The following PIEZO2 variants were observed in gnomAD, a reference collection of about 807,000 sequenced individuals.
The protein encoded by PIEZO2 is piezo-type mechanosensitive ion channel component 2.
PIEZO2 carries 172 observed loss-of-function variants against 337.3 expected under a neutral mutation model. The ratio of observed to expected loss-of-function variants is 0.51; its 90% CI spans 0.45 to 0.58. The LOEUF is 0.58. PIEZO2 is among the 20% of genes least tolerant of loss of function. The probability of loss-of-function intolerance (pLI) is 0.00; values close to 1 mark genes in which losing one functional copy is unlikely to be tolerated. For synonymous variants in PIEZO2, 1,251 were observed against 1,228.5 expected, an observed-to-expected ratio of 1.02 and a Z score of -0.38; for missense variants, 3,028 against 3,391.3, an observed-to-expected ratio of 0.89 and a Z score of 2.66.
intron 42 of PIEZO2, 60 bp downstream of exon 42, chr18:10,704,334 G>A: frequency 6.6e-7 from 1 of 1,514,560 alleles, no homozygotes; most frequent in Non-Finnish European, 8.8e-7. Context: ...GGGACACAAG[G>A]TATGCTTCCC....
intron 2 of PIEZO2, among the ~76,000 whole-genome samples, chr18:11,015,275 C>A (rs1426149003): frequency 6.6e-6 from 1 of 151,334 alleles, no homozygotes; most frequent in Non-Finnish European, 1.5e-5. Context: ...TCCAGGGCCC[C>A]CTCATTCCTC....
chr18:10,766,253 AAG>A lies in PIEZO2; in HGVS notation c.2947-3157_2947-3156del. Among the ~76,000 whole-genome samples, 1 of 6,460 alleles carries A rather than the reference AAG, an allele frequency of 1.5e-4. No individual in the cohort carries two copies. Among genetic ancestry groups the A allele is most frequent in the South Asian group, 3.0e-3 (1 of 328 alleles). The allele number at this position is 6,460 out of a possible 152,430, so 4.2% of individuals were successfully genotyped here. A position where few individuals can be genotyped will look rare whatever the true frequency, so the allele number is the denominator to read the frequency against. ...AACAGGAGGAGGAGGAGGGATAAGG[AAG>A]AAGAAGAGGAAGGAGAAAAGGGGAG... On this transcript the variant is annotated intron_variant, in intron 21 of 55. Coordinates refer to ENST00000674853, the MANE Select transcript of PIEZO2 (RefSeq NM_001378183.1). This position sits in a 1 kb window ranked among gnomAD's most constrained non-coding sequence, Gnocchi z 6.1.
intron 36 of PIEZO2, chr18:10,725,466 G>A: frequency 6.4e-7 from 1 of 1,557,596 alleles, no homozygotes; most frequent in Non-Finnish European, 8.8e-7. Flanking sequence ...AATAGGTCAG[G>A]GTGTGGGTAT....
At position 10,773,397 on chromosome 18, in the gene PIEZO2, T is replaced by C; in HGVS notation, c.2785+15A>G. On this transcript the variant is annotated intron_variant, in intron 20 of 55. Transcript: ENST00000674853. The surrounding 1 kb of genome is among the most constrained non-coding windows in gnomAD (Gnocchi z 5.3). The stretch of plus-strand genomic sequence containing the variant: ...CCAGCGTTCTCTGACCAGCTGCTGG[T>C]AGTGGGCTGATTACCTGATGTTTCT... 2 of 1,536,780 alleles carry C rather than the reference T, an allele frequency of 1.3e-6. No individual in the cohort carries two copies. Among genetic ancestry groups the C allele is most frequent in the South Asian group, 1.2e-5 (1 of 84,056 alleles).
In PIEZO2 at chr18:10,699,078, A is replaced by T. The variant is rs1162919227; in HGVS notation, c.6541T>A (p.Ser2181Thr). The stretch of plus-strand genomic sequence containing the variant: ...AGGTTGATGGACTTGAGAGAATCGG[A>T]GGAGTCCCTCCTGCCATGACCGAGG... ...LSLGHGRRDS[S>T]DSLKSINLAA... The change falls in exon 44 of 56, where the codon TCC becomes ACC. Residue 2181 changes from serine to threonine, a missense_variant. This residue lies in a region of PIEZO2 where 1,925 missense variants were observed against 2,051.9 expected (regional missense o/e 0.94). Transcript: ENST00000674853. The T allele has an allele frequency of 8.5e-6, 13 of 1,537,264 alleles. No homozygotes were observed. The highest frequency in any genetic ancestry group is 1.0e-5 in the Non-Finnish European group (12 of 1,146,918).
intron 4 of PIEZO2, among the ~76,000 whole-genome samples, chr18:10,873,894 G>A (rs190368888): frequency 2.0e-5 from 3 of 152,152 alleles, no homozygotes; most frequent in Non-Finnish European, 2.9e-5. Context: ...AAACATTTCA[G>A]AACATTAGTC....
chr18:10,724,598 G>T lies in PIEZO2; in HGVS notation c.5030-6339C>A. On this transcript the variant is annotated intron_variant, in intron 36 of 55. Transcript: ENST00000674853. The surrounding 1 kb of genome is among the most constrained non-coding windows in gnomAD (Gnocchi z 5.8). ...GTGGGGAGTTGGAGTGACCCAGCTGGATGTGACCCCCAAGACAGAATGGTG... is the reference window on the plus strand; with the variant it reads ...GTGGGGAGTTGGAGTGACCCAGCTGTATGTGACCCCCAAGACAGAATGGTG... 3.2e-6 allele frequency: 2 copies of T among 625,226 alleles called. No homozygotes were observed. The highest frequency in any genetic ancestry group is 3.0e-5 in the Admixed American group (1 of 33,804). 38.7% of individuals were successfully genotyped at this position (625,226 alleles called of 1,614,324 possible). A position where few individuals can be genotyped will look rare whatever the true frequency, so the allele number is the denominator to read the frequency against.
In PIEZO2 at chr18:11,132,314, G is replaced by C. The variant is rs999170621; in HGVS notation, c.64+16211C>G. Among the ~76,000 whole-genome samples, 7 of 152,174 alleles carry C rather than the reference G, an allele frequency of 4.6e-5. No homozygotes were observed. Among genetic ancestry groups the C allele is most frequent in the Admixed American group, 4.6e-4 (7 of 15,278 alleles). On this transcript the variant is annotated intron_variant, in intron 1 of 55. Transcript: ENST00000674853. This position sits in a 1 kb window ranked among gnomAD's most constrained non-coding sequence, Gnocchi z 4.7. ...TTATGGTGAAAGAAGTGTGGCAGCA[G>C]GCTCATGCTCATGGAATCCAATGTG...
intron 7 of PIEZO2, among the ~76,000 whole-genome samples, chr18:10,814,445 A>C (rs1030438995): frequency 6.6e-6 from 1 of 152,122 alleles, no homozygotes; most frequent in African/African-American, 2.4e-5. Flanking sequence ...CTCATTTTTA[A>C]CCCCACATCC....
At chr18:11,124,967 C>T (rs2040141040) in intron 1 of PIEZO2, among the ~76,000 whole-genome samples, 1 of 151,988 alleles carries the variant, frequency 6.6e-6, no homozygotes, top group Non-Finnish European at 1.5e-5. Context: ...GTATACTAGA[C>T]TCAAATTAAG....
In PIEZO2 at chr18:10,931,697, G is replaced by GGT. The variant is rs369138997; in HGVS notation, c.287-20471_287-20470dup. 5.5e-3 allele frequency among the ~76,000 whole-genome samples: 794 copies of GGT among 143,520 alleles called. 3 individuals are homozygous for GGT. The highest frequency in any genetic ancestry group is 0.022 in the South Asian group (95 of 4,398). 94.2% of individuals were successfully genotyped at this position (143,520 alleles called of 152,430 possible). A position where few individuals can be genotyped will look rare whatever the true frequency, so the allele number is the denominator to read the frequency against. ...TCATTCTCTCACTCTTTCTCTGTGT[G>GGT]GTGTGTGTGTGTGTGTGAGAGAGAG... On this transcript the variant is annotated intron_variant, in intron 3 of 55. Coordinates refer to ENST00000674853, the MANE Select transcript of PIEZO2 (RefSeq NM_001378183.1).
rs937679930 is a variant in PIEZO2, at chr18:10,872,489, A to G, written c.330-1074T>C. Among the ~76,000 whole-genome samples, 2 of 152,214 alleles carry G rather than the reference A, an allele frequency of 1.3e-5. No homozygotes were observed. Among genetic ancestry groups the G allele is most frequent in the African/African-American group, 2.4e-5 (1 of 41,452 alleles). On this transcript the variant is annotated intron_variant, in intron 4 of 55. Transcript: ENST00000674853. This position sits in a 1 kb window ranked among gnomAD's most constrained non-coding sequence, Gnocchi z 4.3. ...ATAGTTGGCCAGCACACATCACCTC[A>G]GCTGAAATGTGTTCTGGCTAAGCTC...
At chr18:10,985,968 C>G (rs1436599926) in intron 2 of PIEZO2, among the ~76,000 whole-genome samples, 1 of 151,876 alleles carries the variant, frequency 6.6e-6, no homozygotes, top group Admixed American at 6.6e-5. Context: ...TCCAGCTATA[C>G]ACTGCCTACA....
chr18:10,763,811 G>A (rs1598447820), intron 21 of PIEZO2, among the ~76,000 whole-genome samples: 1 of 152,170 alleles, frequency 6.6e-6, no homozygotes, highest in Non-Finnish European at 1.5e-5. Context: ...ACCCACTCAC[G>A]TGCCGCGGCA....
chr18:11,069,997 A>G lies in PIEZO2; in HGVS notation c.65-3775T>C, dbSNP rs2038281192. On this transcript the variant is annotated intron_variant, in intron 1 of 55. Coordinates refer to ENST00000674853, the MANE Select transcript of PIEZO2 (RefSeq NM_001378183.1). The surrounding 1 kb of genome is among the most constrained non-coding windows in gnomAD (Gnocchi z 4.9). ...ATAAATGGAAGAATATAAAACATTG[A>G]TAATAGAAATTGAAGAAGACACAAA... 6.6e-6 allele frequency among the ~76,000 whole-genome samples: 1 copy of G among 152,254 alleles called. No homozygotes were observed. The highest frequency in any genetic ancestry group is 6.5e-5 in the Admixed American group (1 of 15,286).
At position 10,929,044 on chromosome 18, in the gene PIEZO2, A is replaced by ATGATTTAC. The variant is rs373032341; in HGVS notation, c.287-17824_287-17817dup. ...TGGTTTGTCTCACTGCTGACTCAAA[A>ATGATTTAC]TGATTTACGGTACTTTGCTGAGGTT... On this transcript the variant is annotated intron_variant, in intron 3 of 55. Coordinates refer to ENST00000674853, the MANE Select transcript of PIEZO2 (RefSeq NM_001378183.1). The surrounding 1 kb of genome is among the most constrained non-coding windows in gnomAD (Gnocchi z 5.6). Among the ~76,000 whole-genome samples, 38 of 152,328 alleles carry ATGATTTAC rather than the reference A, an allele frequency of 2.5e-4. No homozygotes were observed. Among genetic ancestry groups the ATGATTTAC allele is most frequent in the African/African-American group, 7.5e-4 (31 of 41,566 alleles).
rs2040725568 is a variant in PIEZO2 at position 11,143,634 on chromosome 18, C to T, written c.64+4891G>A. ...ACACACACACACACACACACACACA[C>T]ACACACTCTCTCTCTCTCTCTCTCT... On this transcript the variant is annotated intron_variant, in intron 1 of 55. Transcript: ENST00000674853. This position sits in a 1 kb window ranked among gnomAD's most constrained non-coding sequence, Gnocchi z 4.9. Among the ~76,000 whole-genome samples the T allele has an allele frequency of 9.8e-6, 1 of 102,286 alleles. No homozygotes were observed. The highest frequency in any genetic ancestry group is 1.8e-5 in the Non-Finnish European group (1 of 56,920). 67.1% of individuals were successfully genotyped at this position (102,286 alleles called of 152,430 possible).
chr18:10,926,834 A>G (rs948305169), intron 3 of PIEZO2, among the ~76,000 whole-genome samples: 1 of 152,206 alleles, frequency 6.6e-6, no homozygotes, highest in African/African-American at 2.4e-5. Context: ...AGGACTTAAA[A>G]TGCTGTCACT....
chr18:11,148,454 G>C lies in PIEZO2; in HGVS notation c.64+71C>G, dbSNP rs1300180029. 1 of 1,490,812 alleles carries C rather than the reference G, an allele frequency of 6.7e-7. No homozygotes were observed. Among genetic ancestry groups the C allele is most frequent in the Admixed American group, 2.0e-5 (1 of 50,818 alleles). 92.3% of individuals were successfully genotyped at this position (1,490,812 alleles called of 1,614,324 possible). A position where few individuals can be genotyped will look rare whatever the true frequency, so the allele number is the denominator to read the frequency against. On this transcript the variant is annotated intron_variant, in intron 1 of 55. Coordinates refer to ENST00000674853, the MANE Select transcript of PIEZO2 (RefSeq NM_001378183.1). This position sits in a 1 kb window ranked among gnomAD's most constrained non-coding sequence, Gnocchi z 5.2. ...CCAGAGCACCAGAGCCCTTCACTTTGTTAAGAAGTCCCCCACCCAGGCGCC... is the reference window on the plus strand; with the variant it reads ...CCAGAGCACCAGAGCCCTTCACTTTCTTAAGAAGTCCCCCACCCAGGCGCC...
Sources: allele counts gnomAD v4.1 joint callset (sites outside exome capture counted in the v4.1 genomes callset), GRCh38; gene constraint gnomAD v4.1.1; regional missense constraint gnomAD v4.1.1; non-coding constraint Gnocchi (gnomAD v3.1); transcripts MANE v1.5; gene names NCBI Gene and HGNC (gene_info 2026-07-23, HGNC 2026-07-21).